The following SLC35F3 variants were observed in gnomAD, a reference collection of about 807,000 sequenced individuals.
SLC35F3 encodes the protein putative thiamine transporter SLC35F3.
In SLC35F3, 25 loss-of-function variants were observed where a neutral mutation model predicts 49.9. The ratio of observed to expected loss-of-function variants is 0.50; its 90% CI spans 0.37 to 0.70. The LOEUF is 0.70. SLC35F3 is among the 30% of genes least tolerant of loss of function. The pLI, the probability that SLC35F3 is intolerant of heterozygous loss-of-function variation, is 0.00. For missense variants in SLC35F3, 525 were observed against 639.8 expected, an observed-to-expected ratio of 0.82 and a Z score of 1.94; for synonymous variants, 275 against 265.4, an observed-to-expected ratio of 1.04 and a Z score of -0.35.
rs112550624 is a variant in SLC35F3, at chr1:234,288,458, G to T, written c.609-20643G>T. Among the ~76,000 whole-genome samples the T allele has an allele frequency of 1.4e-3, 214 of 152,278 alleles. 2 individuals carry two copies. The highest frequency in any genetic ancestry group is 4.9e-3 in the African/African-American group (203 of 41,550). On this transcript the variant is annotated intron_variant, in intron 3 of 7. Transcript: ENST00000366618. ...TTTCTGAAATGCAGTCAGACTAGTC[G>T]CTGTGTCCACTGTGATTTGGTAAAA...
intron 3 of SLC35F3, among the ~76,000 whole-genome samples, chr1:234,293,683 A>G (rs1668545821): frequency 2.0e-5 from 3 of 152,186 alleles, no homozygotes; most frequent in Admixed American, 2.0e-4. Flanking sequence ...CAAACAGCAC[A>G]TCTGCCTTCA....
At chr1:233,985,825 A>G (rs1000793900) in intron 2 of SLC35F3, among the ~76,000 whole-genome samples, 1 of 152,232 alleles carries the variant, frequency 6.6e-6, no homozygotes, top group Non-Finnish European at 1.5e-5. Flanking sequence ...AGACTTTGGG[A>G]AAGTTCCTGG....
rs1666696926 is a variant in SLC35F3 at position 234,189,402 on chromosome 1, A to T, written c.284-42015A>T. Among the ~76,000 whole-genome samples, 3 of 151,830 alleles carry T rather than the reference A, an allele frequency of 2.0e-5. No individual in the cohort carries two copies. The South Asian group carries it at 6.3e-4, about 32-fold the overall frequency. On this transcript the variant is annotated intron_variant, in intron 2 of 7. Transcript: ENST00000366618. ...CACAACTTCAGGAAATAAAGGACAC[A>T]CTTAGAGAAATGCAAGATGTACTGG...
intron 2 of SLC35F3, among the ~76,000 whole-genome samples, chr1:233,962,757 A>G (rs1253306236): frequency 2.0e-5 from 3 of 152,250 alleles, no homozygotes; most frequent in Admixed American, 6.5e-5. Context: ...CATCTCAGGC[A>G]GAATCTAAAC....
chr1:233,967,774 A>G (rs1163064006), intron 2 of SLC35F3, among the ~76,000 whole-genome samples: 1 of 152,230 alleles, frequency 6.6e-6, no homozygotes, highest in African/African-American at 2.4e-5. Flanking sequence ...GCAAGTATTT[A>G]TTCTGAGGCC....
chr1:234,255,974 C>T (rs1197170544), intron 3 of SLC35F3, among the ~76,000 whole-genome samples: 1 of 152,110 alleles, frequency 6.6e-6, no homozygotes, highest in Admixed American at 6.6e-5. Flanking sequence ...AATAAAAAAT[C>T]ATGACTGGTT....
intron 2 of SLC35F3, among the ~76,000 whole-genome samples, chr1:234,205,798 G>A (rs903606188): frequency 6.6e-6 from 1 of 152,192 alleles, no homozygotes; most frequent in African/African-American, 2.4e-5. Context: ...CAAGGAGGAG[G>A]GTTTTAGGAG....
At position 234,177,308 on chromosome 1, in the gene SLC35F3, G is replaced by A. The variant is rs569422192; in HGVS notation, c.284-54109G>A. Among the ~76,000 whole-genome samples the A allele has an allele frequency of 4.6e-5, 7 of 152,298 alleles. 1 individual carries two copies. The East Asian group carries it at 1.3e-3, about 29-fold the overall frequency. ...TTCTTTTGTAAATTGCCCAGTGTCA[G>A]GTATGTCTTTATCAGCAGCATAAAA... On this transcript the variant is annotated intron_variant, in intron 2 of 7. Coordinates refer to ENST00000366618, the MANE Select transcript of SLC35F3 (RefSeq NM_173508.4).
At chr1:234,254,699 G>GA (rs545461835) in intron 3 of SLC35F3, among the ~76,000 whole-genome samples, 17 of 152,308 alleles carry the variant, frequency 1.1e-4, no homozygotes, top group African/African-American at 4.1e-4. Context: ...TAAATGGTGA[G>GA]AAAAAATTCT....
chr1:234,066,754 CCTCTCTCTCTCTTTCCTTCCCT>C (rs1664623768), intron 2 of SLC35F3, among the ~76,000 whole-genome samples: 1 of 144,314 alleles, frequency 6.9e-6, no homozygotes, highest in African/African-American at 2.6e-5. Flanking sequence ...TCTTTCTCTC[CCTCTCTCTCTCTTTCCTTCCCT>C]CTCTCTCTCT....
At chr1:234,134,323 A>C (rs1358938940) in intron 2 of SLC35F3, among the ~76,000 whole-genome samples, 1 of 148,788 alleles carries the variant, frequency 6.7e-6, no homozygotes, top group Non-Finnish European at 1.5e-5. Context: ...TATACAAACA[A>C]ATTATACAAA....
At chr1:233,982,968 G>A (rs1476460330) in intron 2 of SLC35F3, among the ~76,000 whole-genome samples, 1 of 152,206 alleles carries the variant, frequency 6.6e-6, no homozygotes, top group African/African-American at 2.4e-5. Flanking sequence ...AGATCTGAAA[G>A]AGCAGGATAT....
intron 2 of SLC35F3, among the ~76,000 whole-genome samples, chr1:234,095,712 G>T (rs567962869): frequency 3.6e-4 from 55 of 152,306 alleles, no homozygotes; most frequent in African/African-American, 1.3e-3. Context: ...CCTACTTGGG[G>T]TCTAATCATA....
intron 3 of SLC35F3, among the ~76,000 whole-genome samples, chr1:234,277,208 C>T (rs929244756): frequency 4.6e-5 from 7 of 152,164 alleles, no homozygotes; most frequent in African/African-American, 1.7e-4. Flanking sequence ...GTGTGGCCGG[C>T]GGTAGGTTGG....
intron 3 of SLC35F3, among the ~76,000 whole-genome samples, chr1:234,281,088 C>T (rs187221256): frequency 6.1e-4 from 93 of 151,952 alleles, no homozygotes; most frequent in African/African-American, 1.6e-3. Flanking sequence ...GTGTCCCCCC[C>T]CCATGCTCAA....
Position 234,270,815 on chromosome 1 carries a change from C to T in SLC35F3, c.609-38286C>T, listed in dbSNP as rs114345293. Among the ~76,000 whole-genome samples, 324 of 152,328 alleles carry T rather than the reference C, an allele frequency of 2.1e-3. 1 individual carries two copies. The highest frequency in any genetic ancestry group is 7.1e-3 in the African/African-American group (294 of 41,558). ...CCAAATTGGGATGATGCCTGCCTGA[C>T]GCAGGGCTTGTCAAGGTGGGAGGCA... On this transcript the variant is annotated intron_variant, in intron 3 of 7. Coordinates refer to ENST00000366618, the MANE Select transcript of SLC35F3 (RefSeq NM_173508.4).
chr1:234,284,509 T>C (rs527824956), intron 3 of SLC35F3, among the ~76,000 whole-genome samples: 75 of 152,354 alleles, frequency 4.9e-4, no homozygotes, highest in African/African-American at 1.7e-3. Context: ...TTCATGCATC[T>C]GGCAGATGCA....
chr1:234,186,849 CCTGAG>C (rs1240164426), intron 2 of SLC35F3, among the ~76,000 whole-genome samples: 1 of 152,114 alleles, frequency 6.6e-6, no homozygotes, highest in Non-Finnish European at 1.5e-5. Flanking sequence ...CCATAGTGAG[CCTGAG>C]ACTTCAGAAA....
chr1:233,999,841 C>T (rs182355088), intron 2 of SLC35F3, among the ~76,000 whole-genome samples: 1 of 152,276 alleles, frequency 6.6e-6, no homozygotes, highest in East Asian at 1.9e-4. Flanking sequence ...TACCTCTCTG[C>T]ATCCCTCACT....
Sources: gnomAD v4.1 joint callset for allele counts (sites outside exome capture counted in the v4.1 genomes callset) on GRCh38, gnomAD v4.1.1 for gene constraint, MANE v1.5 for transcripts, NCBI Gene and HGNC (gene_info 2026-07-23, HGNC 2026-07-21) for gene names.